Variants in FNDC3B observed in about 807,000 individuals in gnomAD.
The protein encoded by FNDC3B is fibronectin type III domain-containing protein 3B.
Under a neutral mutation model 151.5 loss-of-function variants are expected in FNDC3B, and 12 were observed. The ratio of observed to expected loss-of-function variants is 0.08; its 90% CI spans 0.05 to 0.13. The LOEUF (loss-of-function observed/expected upper bound fraction) is 0.13, where lower values mean the gene tolerates loss of function less well. FNDC3B is among the 10% of genes least tolerant of loss of function. FNDC3B has a pLI of 1.00. For missense variants in FNDC3B, 1,214 were observed against 1,505.3 expected, an observed-to-expected ratio of 0.81 and a Z score of 3.20; for synonymous variants, 528 against 549.0, an observed-to-expected ratio of 0.96 and a Z score of 0.54.
At chr3:172,106,442 C>T (rs902936920) in intron 1 of FNDC3B, among the ~76,000 whole-genome samples, 1 of 152,172 alleles carries the variant, frequency 6.6e-6, no homozygotes, top group Non-Finnish European at 1.5e-5. Context: ...TCCAGGCTGG[C>T]CCGGTGGGTT....
At chr3:172,346,007 G>A (rs1733596091) in intron 19 of FNDC3B, 1 of 164,226 alleles carries the variant, frequency 6.1e-6, no homozygotes, top group African/African-American at 2.4e-5. Flanking sequence ...TGAGAAATAT[G>A]AAAGCAGATT....
At chr3:172,095,304 C>A (rs955749823) in intron 1 of FNDC3B, among the ~76,000 whole-genome samples, 4 of 152,182 alleles carry the variant, frequency 2.6e-5, no homozygotes, top group South Asian at 2.1e-4. Flanking sequence ...TGAGTCAGAG[C>A]TGAACTTCTC....
intron 19 of FNDC3B, among the ~76,000 whole-genome samples, chr3:172,345,421 C>G (rs547090995): frequency 6.6e-6 from 1 of 152,148 alleles, no homozygotes; most frequent in South Asian, 2.1e-4. Context: ...AGCCCTTTCA[C>G]TGATTTATCC....
At chr3:172,337,527 C>G in intron 16 of FNDC3B, 126 bp downstream of exon 16, 1 of 675,188 alleles carries the variant, frequency 1.5e-6, no homozygotes, top group Non-Finnish European at 2.6e-6. Context: ...TTACAATAAA[C>G]AAACTTTAGT....
At chr3:172,125,220 C>T (rs1316325956) in intron 2 of FNDC3B, among the ~76,000 whole-genome samples, 2 of 152,194 alleles carry the variant, frequency 1.3e-5, no homozygotes, top group East Asian at 3.8e-4. Context: ...GCCTCTGGCT[C>T]CCCAGCTTCT....
At chr3:172,116,096 G>A (rs1176122941) in intron 2 of FNDC3B, among the ~76,000 whole-genome samples, 5 of 152,096 alleles carry the variant, frequency 3.3e-5, no homozygotes, top group Non-Finnish European at 7.4e-5. Flanking sequence ...GTCATTTTGC[G>A]CAGGTAGGAG....
intron 2 of FNDC3B, among the ~76,000 whole-genome samples, chr3:172,125,454 T>C (rs1720766955): frequency 6.6e-6 from 1 of 152,058 alleles, no homozygotes; most frequent in African/African-American, 2.4e-5. Context: ...CAGAGAAGGG[T>C]AGTAGACGGT....
intron 1 of FNDC3B, among the ~76,000 whole-genome samples, chr3:172,111,468 T>A (rs1719962955): frequency 6.6e-6 from 1 of 152,244 alleles, no homozygotes. Flanking sequence ...CTAGTTGGGA[T>A]AAGACTTCAT....
At chr3:172,324,127 G>A (rs558743418) in intron 11 of FNDC3B, among the ~76,000 whole-genome samples, 1 of 152,192 alleles carries the variant, frequency 6.6e-6, no homozygotes, top group Admixed American at 6.5e-5. Context: ...AGATGATCCA[G>A]TGGTGTCTAG....
intron 1 of FNDC3B, among the ~76,000 whole-genome samples, chr3:172,083,802 A>G (rs1247622708): frequency 2.0e-5 from 3 of 152,172 alleles, no homozygotes; most frequent in African/African-American, 4.8e-5. Context: ...ACTAAAAGAA[A>G]TCAGGAATTA....
At chr3:172,080,220 A>G (rs1483247639) in intron 1 of FNDC3B, among the ~76,000 whole-genome samples, 2 of 152,144 alleles carry the variant, frequency 1.3e-5, no homozygotes, top group East Asian at 1.9e-4. Flanking sequence ...GCTATTAACC[A>G]TGTCTTGGGA....
intron 3 of FNDC3B, among the ~76,000 whole-genome samples, chr3:172,188,083 C>T (rs575693394): frequency 1.3e-5 from 2 of 150,526 alleles, no homozygotes; most frequent in African/African-American, 4.9e-5. Context: ...GCAACCTCCG[C>T]CTCCCAGGTT....
intron 6 of FNDC3B, among the ~76,000 whole-genome samples, chr3:172,257,120 A>G (rs766336330): frequency 1.1e-4 from 17 of 152,076 alleles, no homozygotes; most frequent in Non-Finnish European, 2.1e-4. Flanking sequence ...CATGATGGCC[A>G]GGCTGGTCTT....
chr3:172,255,383 C>G (rs1021955007), intron 6 of FNDC3B, among the ~76,000 whole-genome samples: 5 of 152,172 alleles, frequency 3.3e-5, no homozygotes, highest in Non-Finnish European at 7.3e-5. Context: ...ATTCTTCTGC[C>G]TCAGCCTCCC....
chr3:172,156,077 G>T (rs73880113), intron 3 of FNDC3B, among the ~76,000 whole-genome samples: 1 of 151,912 alleles, frequency 6.6e-6, no homozygotes, highest in Non-Finnish European at 1.5e-5. Context: ...CCATGTCAGT[G>T]GGGGGTGATC....
intron 1 of FNDC3B, among the ~76,000 whole-genome samples, chr3:172,079,739 A>G (rs530571182): frequency 1.3e-5 from 2 of 152,176 alleles, no homozygotes; most frequent in African/African-American, 2.4e-5. Flanking sequence ...CTGGTTTCTG[A>G]TAAGGGCTTC....
chr3:172,311,708 T>TA (rs1731505726), intron 11 of FNDC3B, among the ~76,000 whole-genome samples: 1 of 76,132 alleles, frequency 1.3e-5, no homozygotes. Flanking sequence ...CTACTAAAAA[T>TA]ACAAAAAAAA....
chr3:172,264,275 G>A (rs543777885), intron 6 of FNDC3B, among the ~76,000 whole-genome samples: 64 of 152,298 alleles, frequency 4.2e-4, no homozygotes, highest in African/African-American at 1.5e-3. Flanking sequence ...GAGATTACAG[G>A]CGTGAGTCAC....
At chr3:172,380,884 G>T in intron 24 of FNDC3B, 82 bp from the exon 25 acceptor site, 2 of 1,486,926 alleles carry the variant, frequency 1.3e-6, no homozygotes, top group Non-Finnish European at 1.9e-6. Flanking sequence ...CTCTCTCTGG[G>T]TTCTCACTAA....
Sources: gnomAD v4.1 joint callset for allele counts (sites outside exome capture counted in the v4.1 genomes callset) on GRCh38, gnomAD v4.1.1 for gene constraint, MANE v1.5 for transcripts, NCBI Gene and HGNC (gene_info 2026-07-23, HGNC 2026-07-21) for gene names.